Variants in ATRNL1 observed in about 807,000 individuals in gnomAD.
ATRNL1 encodes attractin-like protein 1.
A neutral mutation model predicts 182.7 loss-of-function variants in ATRNL1; 95 were observed. That is an observed-to-expected ratio of 0.52 (90% CI 0.44 to 0.62). The LOEUF (loss-of-function observed/expected upper bound fraction) is 0.62, where lower values mean the gene tolerates loss of function less well. ATRNL1 is among the 20% of genes least tolerant of loss of function. The pLI is 0.00. For synonymous variants in ATRNL1, 576 were observed against 568.3 expected (o/e 1.01, Z -0.19); for missense variants, 1,471 against 1,679.5 (o/e 0.88, Z 2.17).
At chr10:115,327,340 C>A (rs1554933667) in intron 18 of ATRNL1, among the ~76,000 whole-genome samples, 1 of 151,942 alleles carries the variant, frequency 6.6e-6, no homozygotes, top group Non-Finnish European at 1.5e-5. Context: ...AAAAAATGCT[C>A]ACCATCACTG....
chr10:115,303,221 G>GTTTTTTT (rs5788103), intron 17 of ATRNL1, among the ~76,000 whole-genome samples: 8 of 106,996 alleles, frequency 7.5e-5, no homozygotes, highest in African/African-American at 2.3e-4. Flanking sequence ...TGGTATGCAG[G>GTTTTTTT]TTTTTTTTTT....
At chr10:115,161,674 G>C (rs907450447) in intron 6 of ATRNL1, among the ~76,000 whole-genome samples, 11 of 152,040 alleles carry the variant, frequency 7.2e-5, no homozygotes, top group African/African-American at 2.7e-4. Flanking sequence ...ATTGGAACCA[G>C]ATAAACTATT....
intron 20 of ATRNL1, among the ~76,000 whole-genome samples, chr10:115,409,855 G>C (rs1374075554): frequency 1.8e-4 from 27 of 152,062 alleles, no homozygotes; most frequent in Admixed American, 1.8e-3. Flanking sequence ...TGTTTGGTGT[G>C]GTTTGTCATG....
chr10:115,120,087 G>A (rs1443787206), intron 1 of ATRNL1, 98 bp from the exon 2 acceptor site: 11 of 705,492 alleles, frequency 1.6e-5, no homozygotes, highest in African/African-American at 3.8e-5. Context: ...GTTATGTCCC[G>A]TTCCTTTGGC....
At chr10:115,767,352 A>G (rs1948881671) in intron 27 of ATRNL1, among the ~76,000 whole-genome samples, 1 of 151,904 alleles carries the variant, frequency 6.6e-6, no homozygotes, top group African/African-American at 2.4e-5. Flanking sequence ...ATTTTTGTCA[A>G]TGCCATCATT....
intron 17 of ATRNL1, among the ~76,000 whole-genome samples, chr10:115,303,220 G>GGTTTTT (rs1554925140): frequency 2.8e-5 from 2 of 71,854 alleles, no homozygotes; most frequent in African/African-American, 7.8e-5. Context: ...TTGGTATGCA[G>GGTTTTT]GTTTTTTTTT....
intron 28 of ATRNL1, among the ~76,000 whole-genome samples, chr10:115,906,972 G>A (rs1217437961): frequency 2.0e-5 from 3 of 152,194 alleles, no homozygotes; most frequent in Non-Finnish European, 4.4e-5. Context: ...TGATGTTTGA[G>A]TGTCAACTCA....
chr10:115,437,029 A>G (rs2134432709), intron 21 of ATRNL1, among the ~76,000 whole-genome samples: 1 of 152,116 alleles, frequency 6.6e-6, no homozygotes. Context: ...AATTTGTGGG[A>G]TAGGGAGTAG....
chr10:115,108,787 AG>A (rs1844133540), intron 1 of ATRNL1, among the ~76,000 whole-genome samples: 1 of 152,280 alleles, frequency 6.6e-6, no homozygotes, highest in East Asian at 1.9e-4. Flanking sequence ...TTCATTGAAA[AG>A]GAAAGCCTTA....
intron 26 of ATRNL1, among the ~76,000 whole-genome samples, chr10:115,720,788 T>G (rs1431742605): frequency 6.6e-6 from 1 of 152,246 alleles, no homozygotes; most frequent in Non-Finnish European, 1.5e-5. Context: ...GAACTAATTC[T>G]GCCTTGAAGA....
chr10:115,307,554 GCCCGGCCT>G (rs1430953048), intron 17 of ATRNL1, among the ~76,000 whole-genome samples: 38 of 152,234 alleles, frequency 2.5e-4, no homozygotes, highest in Admixed American at 2.5e-3. Flanking sequence ...GAGCTACTGC[GCCCGGCCT>G]CCACAGGTTT....
intron 14 of ATRNL1, among the ~76,000 whole-genome samples, chr10:115,284,059 A>T (rs763284794): frequency 6.6e-6 from 1 of 152,196 alleles, no homozygotes; most frequent in Non-Finnish European, 1.5e-5. Flanking sequence ...CAATTCCATG[A>T]CAATTGGTGT....
intron 26 of ATRNL1, among the ~76,000 whole-genome samples, chr10:115,553,294 A>G (rs1554996073): frequency 3.3e-5 from 5 of 151,378 alleles, no homozygotes; most frequent in Non-Finnish European, 7.4e-5. Flanking sequence ...TAATAGATCC[A>G]TAGGCAAAGG....
At chr10:115,636,706 ATACT>A (rs1858896085) in intron 26 of ATRNL1, among the ~76,000 whole-genome samples, 1 of 136,354 alleles carries the variant, frequency 7.3e-6, no homozygotes, top group Non-Finnish European at 1.6e-5. Context: ...ATTTAACTAG[ATACT>A]TACTCAAGAG....
At chr10:115,161,857 T>C (rs1426801580) in intron 6 of ATRNL1, among the ~76,000 whole-genome samples, 4 of 152,068 alleles carry the variant, frequency 2.6e-5, no homozygotes, top group African/African-American at 9.7e-5. Flanking sequence ...TCAGAAGTGA[T>C]AGGATAAGTC....
At chr10:115,275,866 A>G (rs1852082238) in intron 13 of ATRNL1, among the ~76,000 whole-genome samples, 1 of 152,218 alleles carries the variant, frequency 6.6e-6, no homozygotes, top group Admixed American at 6.5e-5. Context: ...AGGCAGATCC[A>G]GCATTTCCAA....
chr10:115,519,304 G>C lies in ATRNL1; in HGVS notation c.3696G>C (p.Gln1232His). 6.2e-7 allele frequency: 1 copy of C among 1,609,912 alleles called. No homozygotes were observed. ...SQHNTIMDLV[Q>H]FFVTFFSCFL... ...ACAATACAATCATGGACCTTGTGCA[G>C]TTTTTTGTCACCTTCTTCAGGTAAA... The change falls in exon 25 of 29, where the codon CAG (glutamine) becomes CAC (histidine). Residue 1232 changes from glutamine to histidine, a missense_variant. Physicochemically the swap from Gln to His is conservative, Grantham distance 24. Coordinates refer to ENST00000355044, the MANE Select transcript of ATRNL1 (RefSeq NM_207303.4).
intron 26 of ATRNL1, among the ~76,000 whole-genome samples, chr10:115,656,636 A>G (rs1555036043): frequency 6.6e-6 from 1 of 152,206 alleles, no homozygotes; most frequent in Non-Finnish European, 1.5e-5. Flanking sequence ...TGAATGAATG[A>G]ATGAATAAAA....
intron 8 of ATRNL1, among the ~76,000 whole-genome samples, chr10:115,194,574 T>G (rs1785548684): frequency 6.6e-6 from 1 of 151,994 alleles, no homozygotes; most frequent in African/African-American, 2.4e-5. Flanking sequence ...CCCTTTATTT[T>G]AGGTCTGTGT....
Sources: allele counts gnomAD v4.1 joint callset (sites outside exome capture counted in the v4.1 genomes callset), GRCh38; gene constraint gnomAD v4.1.1; transcripts MANE v1.5; gene names NCBI Gene and HGNC (gene_info 2026-07-23, HGNC 2026-07-21).